Variants in MAF observed in about 807,000 individuals in gnomAD.
The protein encoded by MAF is MAF bZIP transcription factor, also known as transcription factor Maf.
Under a neutral mutation model 22.0 loss-of-function variants are expected in MAF, and 10 were observed. The ratio of observed to expected loss-of-function variants is 0.45; its 90% CI spans 0.28 to 0.77. The LOEUF is 0.77. Ranked by LOEUF, MAF falls within the 30% of genes least tolerant of loss-of-function variation. The pLI is 0.12. For missense variants in MAF, 544 were observed against 548.4 expected (o/e 0.99, Z 0.08); for synonymous variants, 337 against 255.8 (o/e 1.32, Z -3.03).
the MAF span, among the ~76,000 whole-genome samples, chr16:79,565,570 T>C: frequency 2.6e-5 from 4 of 152,142 alleles, 1 homozygote; most frequent in East Asian, 7.8e-4. Flanking sequence ...GCTGTTCTTG[T>C]GATAGTGAGT....
At chr16:79,295,970 C>T in the MAF span, among the ~76,000 whole-genome samples, 4 of 152,198 alleles carry the variant, frequency 2.6e-5, no homozygotes, top group African/African-American at 9.6e-5. Flanking sequence ...TCACCTCCTG[C>T]GGTCTGTAAG....
the MAF span, among the ~76,000 whole-genome samples, chr16:79,497,479 A>G: frequency 6.6e-6 from 1 of 152,200 alleles, no homozygotes; most frequent in Non-Finnish European, 1.5e-5. Context: ...GCACTGCCCA[A>G]GGTCACTGGC....
At chr16:79,352,237 A>AT in the MAF span, among the ~76,000 whole-genome samples, 1 of 152,210 alleles carries the variant, frequency 6.6e-6, no homozygotes. Context: ...CCGGGCAAGA[A>AT]TAATGTCACG....
At chr16:79,253,204 G>A in the MAF span, among the ~76,000 whole-genome samples, 1 of 152,076 alleles carries the variant, frequency 6.6e-6, no homozygotes, top group African/African-American at 2.4e-5. Context: ...TGGATCCTGG[G>A]CCTGTTTTGG....
chr16:79,556,761 A>G, the MAF span, among the ~76,000 whole-genome samples: 1 of 152,194 alleles, frequency 6.6e-6, no homozygotes, highest in African/African-American at 2.4e-5. Context: ...TCTCTATGCC[A>G]TGGGTAAGTT....
chr16:79,206,447 TC>T, the MAF span: 1 of 152,196 alleles, frequency 6.6e-6, no homozygotes, highest in East Asian at 1.9e-4. Flanking sequence ...CAGGTAGGCT[TC>T]TCTCTAAATA....
chr16:79,362,715 C>T, the MAF span, among the ~76,000 whole-genome samples: 2 of 152,160 alleles, frequency 1.3e-5, no homozygotes, highest in African/African-American at 4.8e-5. Flanking sequence ...CATACCTTTA[C>T]ATTCTACACT....
the MAF span, among the ~76,000 whole-genome samples, chr16:79,392,947 C>T: frequency 6.6e-6 from 1 of 152,334 alleles, no homozygotes; most frequent in East Asian, 1.9e-4. Flanking sequence ...ATGGTGGACT[C>T]ATTCCATTCC....
the MAF span, among the ~76,000 whole-genome samples, chr16:79,342,726 T>C: frequency 1.5e-4 from 23 of 152,176 alleles, no homozygotes; most frequent in Non-Finnish European, 3.1e-4. Flanking sequence ...CATCTTACTA[T>C]TGACGCCTAC....
At chr16:79,228,390 G>C in the MAF span, among the ~76,000 whole-genome samples, 7 of 151,970 alleles carry the variant, frequency 4.6e-5, no homozygotes, top group African/African-American at 1.4e-4. Flanking sequence ...TATCACATGT[G>C]CTTCATTCAT....
the MAF span, among the ~76,000 whole-genome samples, chr16:79,269,995 G>C: frequency 6.6e-6 from 1 of 152,042 alleles, no homozygotes; most frequent in Non-Finnish European, 1.5e-5. Flanking sequence ...TTTCATTCCA[G>C]AAAGATCACA....
At chr16:79,562,778 G>A in the MAF span, among the ~76,000 whole-genome samples, 1 of 152,194 alleles carries the variant, frequency 6.6e-6, no homozygotes, top group Admixed American at 6.5e-5. Flanking sequence ...AGGAAAACAA[G>A]TGGAAGATGA....
At chr16:79,361,705 T>C in the MAF span, among the ~76,000 whole-genome samples, 1 of 127,262 alleles carries the variant, frequency 7.9e-6, no homozygotes, top group Non-Finnish European at 1.9e-5. Flanking sequence ...GGTTGTTTTA[T>C]ATACAGATTT....
At chr16:79,237,483 G>A in the MAF span, among the ~76,000 whole-genome samples, 1 of 152,082 alleles carries the variant, frequency 6.6e-6, no homozygotes, top group African/African-American at 2.4e-5. Context: ...GTTGGTTGGA[G>A]GATTTCTCCC....
At chr16:79,558,549 G>C in the MAF span, among the ~76,000 whole-genome samples, 1 of 152,174 alleles carries the variant, frequency 6.6e-6, no homozygotes, top group Non-Finnish European at 1.5e-5. Context: ...GGGAAGATTG[G>C]CATCAGACTT....
the MAF span, among the ~76,000 whole-genome samples, chr16:79,518,040 T>A: frequency 6.6e-6 from 1 of 152,164 alleles, no homozygotes; most frequent in African/African-American, 2.4e-5. Flanking sequence ...TATATGAAAA[T>A]GGATTAGCAC....
At chr16:79,313,446 C>A in the MAF span, among the ~76,000 whole-genome samples, 5 of 152,154 alleles carry the variant, frequency 3.3e-5, no homozygotes, top group Admixed American at 6.5e-5. Context: ...GTTCCCCAGG[C>A]ATCACCTCCC....
At chr16:79,233,967 G>A in the MAF span, among the ~76,000 whole-genome samples, 1 of 150,598 alleles carries the variant, frequency 6.6e-6, no homozygotes, top group African/African-American at 2.5e-5. Context: ...ACTCCAGTCT[G>A]GGCGAAAGAG....
the MAF span, among the ~76,000 whole-genome samples, chr16:79,462,572 C>A: frequency 1.8e-4 from 27 of 151,950 alleles, no homozygotes; most frequent in Admixed American, 3.3e-4. Context: ...TACATGTGCA[C>A]AAACATGCAC....
Sources: allele counts gnomAD v4.1 joint callset (sites outside exome capture counted in the v4.1 genomes callset), GRCh38; gene constraint gnomAD v4.1.1; transcripts MANE v1.5; gene names NCBI Gene and HGNC (gene_info 2026-07-23, HGNC 2026-07-21).